AK6: variants seen among roughly 807,000 people sequenced by gnomAD.
AK6 encodes adenylate kinase 6.
AK6 carries 24 observed loss-of-function variants against 23.7 expected under a neutral mutation model. The ratio of observed to expected loss-of-function variants is 1.01; its 90% CI spans 0.73 to 1.43. The LOEUF (loss-of-function observed/expected upper bound fraction) is 1.43, where lower values mean the gene tolerates loss of function less well. Among genes scored for constraint, AK6 ranks in the 40% most tolerant of loss-of-function variants. The pLI is 0.00. For missense variants in AK6, 191 were observed against 199.1 expected (o/e 0.96, Z 0.24); for synonymous variants, 73 against 69.8 (o/e 1.05, Z -0.23).
intron 1 of AK6, among the ~76,000 whole-genome samples, chr5:69,367,238 C>T (rs1290085083): frequency 6.6e-6 from 1 of 151,920 alleles, no homozygotes; most frequent in Non-Finnish European, 1.5e-5. Flanking sequence ...TCGTGCTGGG[C>T]GCAGTGGCTC....
intron 2 of AK6, among the ~76,000 whole-genome samples, chr5:69,361,969 C>CTTTTTT (rs112797204): frequency 5.7e-5 from 6 of 104,830 alleles, no homozygotes; most frequent in South Asian, 3.3e-4. Context: ...ACTTGATTCC[C>CTTTTTT]TTTTTTTTTT....
At chr5:69,359,771 C>G (rs1762180557) in intron 2 of AK6, among the ~76,000 whole-genome samples, 1 of 152,224 alleles carries the variant, frequency 6.6e-6, no homozygotes, top group Admixed American at 6.5e-5. Context: ...ATATTCACCA[C>G]ATTTACCTCA....
At chr5:69,354,626 C>A (rs1037976192) in intron 4 of AK6, among the ~76,000 whole-genome samples, 1 of 152,162 alleles carries the variant, frequency 6.6e-6, no homozygotes, top group African/African-American at 2.4e-5. Context: ...AAATCTGATG[C>A]TCTATTTGTG....
rs188013781 is a variant in AK6, at chr5:69,355,863, A to G, written c.180+32T>C. Reference sequence around the variant, plus strand: ...AGTCAACTTTCCTATGAAATTCAACAAATGCATACTTTATGAAAAAGTCAT... The same window carrying G: ...AGTCAACTTTCCTATGAAATTCAACGAATGCATACTTTATGAAAAAGTCAT... On this transcript the variant is annotated intron_variant, in intron 3 of 4. Transcript: ENST00000380822. 1.3e-5 allele frequency: 21 copies of G among 1,600,488 alleles called. No homozygotes were observed. In the African/African-American group the frequency reaches 2.7e-4, roughly 21 times the overall value.
intron 4 of AK6, among the ~76,000 whole-genome samples, chr5:69,353,150 C>T (rs1247036427): frequency 1.3e-5 from 2 of 151,968 alleles, no homozygotes; most frequent in African/African-American, 4.8e-5. Context: ...CATAAAAGTC[C>T]ACATCCTGTA....
At chr5:69,359,991 G>A (rs1195036093) in intron 2 of AK6, among the ~76,000 whole-genome samples, 1 of 152,226 alleles carries the variant, frequency 6.6e-6, no homozygotes, top group Non-Finnish European at 1.5e-5. Flanking sequence ...AAAGAGAACA[G>A]CATGCATAAA....
At chr5:69,369,287 C>G (rs377727980) in intron 1 of AK6, 176 bp downstream of exon 1, 8 of 551,548 alleles carry the variant, frequency 1.5e-5, no homozygotes, top group Middle Eastern at 9.8e-4. Flanking sequence ...CGTCCCCTCC[C>G]TCGCCTCCCG....
rs1761968565 is a variant in AK6, at chr5:69,352,343, A to T, written c.327-90T>A. ...ACATACCAGAAACTGGACACTTTTCAATACGTGAAAAATTACAGAAATGGT... is the reference window on the plus strand; with the variant it reads ...ACATACCAGAAACTGGACACTTTTCTATACGTGAAAAATTACAGAAATGGT... On this transcript the variant is annotated intron_variant, in intron 4 of 4. Transcript: ENST00000380822. The T allele has an allele frequency of 8.2e-6, 8 of 979,612 alleles. No individual in the cohort carries two copies. The South Asian group carries it at 1.1e-4, about 14-fold the overall frequency. 60.7% of individuals were successfully genotyped at this position (979,612 alleles called of 1,614,324 possible). A position where few individuals can be genotyped will look rare whatever the true frequency, so the allele number is the denominator to read the frequency against.
intron 4 of AK6, chr5:69,355,377 A>T (rs1318640371): frequency 2.9e-6 from 1 of 341,146 alleles, no homozygotes; most frequent in Non-Finnish European, 5.2e-6. Context: ...TACAAAAAAT[A>T]AAAAAATTAG....
chr5:69,355,472 A>C, intron 4 of AK6, 177 bp downstream of exon 4: 1 of 586,906 alleles, frequency 1.7e-6, no homozygotes, highest in Non-Finnish European at 2.8e-6. Context: ...TGGAGGTTGC[A>C]GTGGACCGAG....
intron 1 of AK6, chr5:69,367,783 G>A (rs561179975): frequency 6.6e-6 from 1 of 152,122 alleles, no homozygotes; most frequent in African/African-American, 2.4e-5. Context: ...GAGCTCAAGC[G>A]ATCTCCCCAC....
rs767277095 is a variant in AK6 at position 69,366,548 on chromosome 5, T to G, written c.76A>C (p.Lys26Gln). The change falls in exon 2 of 5, where the codon AAA (lysine) becomes CAA (glutamine). Residue 26 changes from lysine to glutamine, a missense_variant. Physicochemically the swap from Lys to Gln is moderately conservative, Grantham distance 53. Coordinates refer to ENST00000380822, the MANE Select transcript of AK6 (RefSeq NM_016283.5). ...ACATTAATGTATTTCAGTCCTGATT[T>G]TGACGCAAGTTCTTTGCCTAGTGTG... ...KTTLGKELAS[K>Q]SGLKYINVGD... The G allele has an allele frequency of 1.2e-6, 2 of 1,614,122 alleles. No homozygotes were observed. Among genetic ancestry groups the G allele is most frequent in the African/African-American group, 2.7e-5 (2 of 75,056 alleles).
chr5:69,356,138 T>C (rs1324102528), intron 2 of AK6, among the ~76,000 whole-genome samples, 185 bp from the exon 3 acceptor site: 2 of 152,154 alleles, frequency 1.3e-5, no homozygotes, highest in Admixed American at 6.5e-5. Context: ...ACTGATAAAT[T>C]GGAATTTTGT....
At chr5:69,359,339 G>A (rs1762167665) in intron 2 of AK6, among the ~76,000 whole-genome samples, 1 of 152,074 alleles carries the variant, frequency 6.6e-6, no homozygotes, top group African/African-American at 2.4e-5. Context: ...CCGTCTCCTG[G>A]GTTCAAGCAA....
At chr5:69,369,614 C>G (rs1453385095), upstream of AK6, 1 of 1,578,418 alleles carries the variant, frequency 6.3e-7, no homozygotes, top group Admixed American at 1.9e-5. Flanking sequence ...CACCGCGGCG[C>G]CCCTAGCCTG....
At chr5:69,354,760 A>G (rs1325251049) in intron 4 of AK6, among the ~76,000 whole-genome samples, 1 of 152,202 alleles carries the variant, frequency 6.6e-6, no homozygotes, top group Non-Finnish European at 1.5e-5. Context: ...TAAGCAAAGA[A>G]TATGTTAGGG....
At chr5:69,360,191 T>C (rs564045250) in intron 2 of AK6, among the ~76,000 whole-genome samples, 42 of 152,088 alleles carry the variant, frequency 2.8e-4, no homozygotes, top group Admixed American at 1.8e-3. Flanking sequence ...TTTAAGAAAA[T>C]GATAGTGTAG....
At chr5:69,366,669 C>G (rs1762439948) in intron 1 of AK6, 74 bp from the exon 2 acceptor site, 3 of 1,124,230 alleles carry the variant, frequency 2.7e-6, no homozygotes, top group Admixed American at 3.5e-5. Flanking sequence ...TTCTGCCTTT[C>G]CTTTTATTTT....
intron 2 of AK6, among the ~76,000 whole-genome samples, chr5:69,364,104 T>C (rs1322386528): frequency 6.6e-6 from 1 of 151,722 alleles, no homozygotes; most frequent in Non-Finnish European, 1.5e-5. Context: ...TAAAATAAAA[T>C]GAAATGGAAA....
Sources: gnomAD v4.1 joint callset for allele counts (sites outside exome capture counted in the v4.1 genomes callset) on GRCh38, gnomAD v4.1.1 for gene constraint, MANE v1.5 for transcripts, NCBI Gene and HGNC (gene_info 2026-07-23, HGNC 2026-07-21) for gene names.